The following PAX7 variants were observed in gnomAD, a reference collection of about 807,000 sequenced individuals.
PAX7 encodes the protein paired box protein Pax-7.
PAX7 carries 18 observed loss-of-function variants against 50.7 expected under a neutral mutation model. The ratio of observed to expected loss-of-function variants is 0.36; its 90% CI spans 0.25 to 0.53. The LOEUF (loss-of-function observed/expected upper bound fraction) is 0.53, where lower values mean the gene tolerates loss of function less well. Ranked by LOEUF, PAX7 falls within the 20% of genes least tolerant of loss-of-function variation. The probability of loss-of-function intolerance (pLI) is 0.93; values close to 1 mark genes in which losing one functional copy is unlikely to be tolerated. For missense variants in PAX7, 644 were observed against 702.9 expected (o/e 0.92, Z 0.95); for synonymous variants, 310 against 290.4 (o/e 1.07, Z -0.69).
intron 4 of PAX7, among the ~76,000 whole-genome samples, chr1:18,644,552 T>C (rs2088308940): frequency 6.6e-6 from 1 of 152,060 alleles, no homozygotes; most frequent in Middle Eastern, 3.2e-3. Context: ...AAAGGGGTCT[T>C]TGGGGCTTCT....
In PAX7 at chr1:18,634,446, C is replaced by T. The variant is rs567904259; in HGVS notation, c.229C>T (p.Arg77Cys). 60 of 1,614,226 alleles carry T rather than the reference C, an allele frequency of 3.7e-5. No individual in the cohort carries two copies. Among genetic ancestry groups the T allele is most frequent in the Middle Eastern group, 1.6e-4 (1 of 6,062 alleles). ...IRPCVISRQL[R>C]VSHGCVSKIL... Reference sequence around the variant, plus strand: ...GCCCTGTGTCATCTCCCGACAGCTGCGTGTCTCCCACGGCTGCGTCTCCAA... The same window carrying T: ...GCCCTGTGTCATCTCCCGACAGCTGTGTGTCTCCCACGGCTGCGTCTCCAA... The change falls in exon 2 of 9, where the codon CGT becomes TGT. Residue 77 changes from arginine (R) to cysteine (C), a missense_variant. Physicochemically the swap from Arg to Cys is radical, Grantham distance 180. Transcript: ENST00000420770. This position sits in a 1 kb window ranked among gnomAD's most constrained non-coding sequence, Gnocchi z 4.0.
intron 4 of PAX7, among the ~76,000 whole-genome samples, chr1:18,671,572 C>T (rs979645682): frequency 2.0e-5 from 3 of 152,048 alleles, no homozygotes; most frequent in African/African-American, 7.2e-5. Context: ...CTTGGAGAGA[C>T]ATATTCCCTC....
intron 4 of PAX7, among the ~76,000 whole-genome samples, chr1:18,660,318 G>T (rs2088582300): frequency 6.6e-6 from 1 of 152,142 alleles, no homozygotes; most frequent in South Asian, 2.1e-4. Context: ...GACACAGCAG[G>T]CCTCTGACAC....
intron 5 of PAX7, among the ~76,000 whole-genome samples, chr1:18,697,610 G>C (rs2282703): frequency 0.057 from 8,625 of 152,232 alleles, 429 homozygotes; most frequent in East Asian, 0.25. Context: ...CATCCCTGCT[G>C]TCAACCATCC....
intron 4 of PAX7, among the ~76,000 whole-genome samples, chr1:18,647,023 TG>T (rs1233424621): frequency 1.2e-4 from 1 of 8,248 alleles, no homozygotes; most frequent in Non-Finnish European, 2.4e-4. Flanking sequence ...GGAGGTGGGG[TG>T]GGGGAAGGGC....
chr1:18,644,475 T>G (rs1350018622), intron 4 of PAX7, among the ~76,000 whole-genome samples: 1 of 152,070 alleles, frequency 6.6e-6, no homozygotes, highest in Non-Finnish European at 1.5e-5. Flanking sequence ...ACCGAAAAAA[T>G]AATTCTAAAA....
intron 4 of PAX7, among the ~76,000 whole-genome samples, chr1:18,684,739 C>T (rs770996569): frequency 1.3e-5 from 2 of 152,224 alleles, no homozygotes; most frequent in Non-Finnish European, 2.9e-5. Context: ...TTATGTGATT[C>T]GTTTCTCTGC....
intron 7 of PAX7, among the ~76,000 whole-genome samples, chr1:18,720,067 C>A (rs2089475313): frequency 6.6e-6 from 1 of 152,196 alleles, no homozygotes; most frequent in South Asian, 2.1e-4. Context: ...ATACTAAATT[C>A]TCTCCTCCAA....
rs146824961 is a variant in PAX7, at chr1:18,708,191, C to T, written c.1155+4895C>T. On this transcript the variant is annotated intron_variant, in intron 7 of 8. Coordinates refer to ENST00000420770, the MANE Select transcript of PAX7 (RefSeq NM_001135254.2). ...TCTGGGGTTAGGATCATAGACTACCCGCAACCCCCAGCCCACTCTCTCCCC... is the reference window on the plus strand; with the variant it reads ...TCTGGGGTTAGGATCATAGACTACCTGCAACCCCCAGCCCACTCTCTCCCC... Among the ~76,000 whole-genome samples, 3 of 152,120 alleles carry T rather than the reference C, an allele frequency of 2.0e-5. No homozygotes were observed. The East Asian group carries it at 5.8e-4, about 29-fold the overall frequency.
At chr1:18,738,833 C>T (rs575721324) in intron 8 of PAX7, among the ~76,000 whole-genome samples, 1 of 152,306 alleles carries the variant, frequency 6.6e-6, no homozygotes, top group East Asian at 1.9e-4. Context: ...CCTCAGTCTT[C>T]CCATCTGTGA....
intron 4 of PAX7, among the ~76,000 whole-genome samples, chr1:18,646,802 G>A (rs943876345): frequency 6.6e-6 from 1 of 151,690 alleles, no homozygotes; most frequent in South Asian, 2.1e-4. Flanking sequence ...AAGCGCTCCC[G>A]GCCTCCCGGC....
intron 7 of PAX7, among the ~76,000 whole-genome samples, chr1:18,716,837 TGC>T (rs2089429906): frequency 6.9e-6 from 1 of 144,870 alleles, no homozygotes; most frequent in African/African-American, 2.8e-5. Flanking sequence ...CTTCAGCCCC[TGC>T]GCGCCCCCCT....
At position 18,745,968 on chromosome 1, in the gene PAX7, G is replaced by A. The variant is rs938879533; in HGVS notation, c.*1039G>A. On this transcript the variant is annotated 3_prime_UTR_variant, in exon 9 of 9. Coordinates refer to ENST00000420770, the MANE Select transcript of PAX7 (RefSeq NM_001135254.2). The stretch of plus-strand genomic sequence containing the variant: ...TCTGCCTGCAAGTCCACACCCCAGG[G>A]AGTTGAGATTTTGCCCAAAGCCTTC... The A allele has an allele frequency of 4.3e-6, 1 of 231,274 alleles. No homozygotes were observed. The highest frequency in any genetic ancestry group is 2.2e-5 in the African/African-American group (1 of 45,242). The allele number at this position is 231,274 out of a possible 1,614,324, so 14.3% of individuals were successfully genotyped here. A position where few individuals can be genotyped will look rare whatever the true frequency, so the allele number is the denominator to read the frequency against.
At chr1:18,683,338 T>C (rs1194423547) in intron 4 of PAX7, among the ~76,000 whole-genome samples, 1 of 152,250 alleles carries the variant, frequency 6.6e-6, no homozygotes, top group Non-Finnish European at 1.5e-5. Flanking sequence ...GTTGTTTTTC[T>C]AAATTTCGTT....
intron 4 of PAX7, among the ~76,000 whole-genome samples, chr1:18,676,831 C>G (rs2088829842): frequency 6.6e-6 from 1 of 152,216 alleles, no homozygotes; most frequent in Admixed American, 6.5e-5. Flanking sequence ...GTCCTGAACC[C>G]TGAAGGTGGA....
At chr1:18,714,687 T>A (rs1423045469) in intron 7 of PAX7, among the ~76,000 whole-genome samples, 1 of 152,212 alleles carries the variant, frequency 6.6e-6, no homozygotes, top group Non-Finnish European at 1.5e-5. Context: ...CTATTCAGAA[T>A]CAGTGATTCT....
intron 7 of PAX7, among the ~76,000 whole-genome samples, chr1:18,724,827 C>A (rs1298890647): frequency 6.6e-6 from 1 of 152,226 alleles, no homozygotes; most frequent in Non-Finnish European, 1.5e-5. Flanking sequence ...GATCCTGGCC[C>A]TCCCTTGATC....
At chr1:18,717,880 C>T (rs2089446736) in intron 7 of PAX7, among the ~76,000 whole-genome samples, 1 of 152,196 alleles carries the variant, frequency 6.6e-6, no homozygotes, top group Admixed American at 6.5e-5. Context: ...CAGAAGCCTC[C>T]AGAGAGGAGG....
Position 18,681,691 on chromosome 1 carries a change from ATTTATTTTATTTTATTTTATTTTAT to A in PAX7, c.587-10024_587-10000del, listed in dbSNP as rs202204301. ...GCAAATCATCTACCTAGGGCTTAGA[ATTTATTTTATTTTATTTTATTTTAT>A]TTTATTTTATTTTATTTTATTTTAT... On this transcript the variant is annotated intron_variant, in intron 4 of 8. Coordinates refer to ENST00000420770, the MANE Select transcript of PAX7 (RefSeq NM_001135254.2). Among the ~76,000 whole-genome samples the A allele has an allele frequency of 9.3e-4, 129 of 138,112 alleles. 1 individual carries two copies. The highest frequency in any genetic ancestry group is 3.2e-3 in the South Asian group (13 of 4,082). 90.6% of individuals were successfully genotyped at this position (138,112 alleles called of 152,430 possible).
Sources: gnomAD v4.1 joint callset for allele counts (sites outside exome capture counted in the v4.1 genomes callset) on GRCh38, gnomAD v4.1.1 for gene constraint, Gnocchi (gnomAD v3.1) non-coding constraint, MANE v1.5 for transcripts, NCBI Gene and HGNC (gene_info 2026-07-23, HGNC 2026-07-21) for gene names.